STPG2: variants seen among roughly 807,000 people sequenced by gnomAD.
The protein encoded by STPG2 is sperm-tail PG-rich repeat-containing protein 2.
A neutral mutation model predicts 54.2 loss-of-function variants in STPG2; 56 were observed. The observed-to-expected ratio is 1.03, with a 90% CI of 0.83 to 1.29. The LOEUF (loss-of-function observed/expected upper bound fraction) is 1.29. Ranked by LOEUF, STPG2 falls within the 50% of genes most tolerant of loss-of-function variation. STPG2 has a pLI of 0.00. For synonymous variants in STPG2, 200 were observed against 181.8 expected, an observed-to-expected ratio of 1.10 and a Z score of -0.81; for missense variants, 596 against 544.9, an observed-to-expected ratio of 1.09 and a Z score of -0.93.
chr4:97,635,200 A>G (rs929920787), intron 10 of STPG2, among the ~76,000 whole-genome samples: 4 of 152,282 alleles, frequency 2.6e-5, no homozygotes, highest in East Asian at 1.9e-4. Context: ...ATTCTTAAAG[A>G]AAAGAATTTT....
intron 10 of STPG2, among the ~76,000 whole-genome samples, chr4:97,570,525 C>A (rs1207355174): frequency 6.6e-6 from 1 of 151,968 alleles, no homozygotes; most frequent in Admixed American, 6.6e-5. Flanking sequence ...GCTATCCTGG[C>A]CCACTCTAGG....
rs1317061886 is a variant in STPG2 at position 97,635,828 on chromosome 4, C to T, written c.1321-76711G>A. ...TATATGCACCCAATACAGGAGCACC[C>T]AGATTCATACGGCAAGTCCTGAGTG... is the stretch of plus-strand genomic sequence containing the variant. On this transcript the variant is annotated intron_variant, in intron 10 of 10. Transcript: ENST00000295268. Among the ~76,000 whole-genome samples the T allele has an allele frequency of 2.0e-5, 3 of 151,814 alleles. 1 individual carries two copies. The highest frequency in any genetic ancestry group is 7.3e-5 in the African/African-American group (3 of 41,106).
At chr4:97,981,656 T>G (rs1377314079) in intron 5 of STPG2, among the ~76,000 whole-genome samples, 4 of 151,554 alleles carry the variant, frequency 2.6e-5, no homozygotes, top group African/African-American at 4.8e-5. Flanking sequence ...AATAAAAAAC[T>G]ATATGATCTA....
chr4:97,643,637 C>A (rs1440927541), intron 10 of STPG2, among the ~76,000 whole-genome samples: 1 of 151,878 alleles, frequency 6.6e-6, no homozygotes, highest in Admixed American at 6.6e-5. Context: ...TCCAGACATA[C>A]TTATTAATAT....
intron 5 of STPG2, among the ~76,000 whole-genome samples, chr4:98,000,788 T>C (rs1735388813): frequency 6.6e-6 from 1 of 152,180 alleles, no homozygotes; most frequent in Admixed American, 6.6e-5. Context: ...ACTTAGGGTA[T>C]ATGCCATTCA....
intron 4 of STPG2, among the ~76,000 whole-genome samples, chr4:97,466,206 T>C (rs1729784980): frequency 6.6e-6 from 1 of 152,104 alleles, no homozygotes; most frequent in Non-Finnish European, 1.5e-5. Context: ...ATCCAACTTG[T>C]AGCACCAAGG....
At chr4:97,570,449 T>A (rs1732569742) in intron 10 of STPG2, among the ~76,000 whole-genome samples, 1 of 151,930 alleles carries the variant, frequency 6.6e-6, no homozygotes, top group African/African-American at 2.4e-5. Flanking sequence ...ACACAGGAAA[T>A]CTCCTTGCCC....
chr4:97,654,025 C>G (rs1722148770), intron 10 of STPG2, among the ~76,000 whole-genome samples: 1 of 152,144 alleles, frequency 6.6e-6, no homozygotes, highest in Non-Finnish European at 1.5e-5. Flanking sequence ...GCCATTGCTG[C>G]AAAGCAGCCC....
intron 9 of STPG2, among the ~76,000 whole-genome samples, chr4:97,798,085 T>C (rs1040887864): frequency 2.0e-5 from 3 of 152,156 alleles, no homozygotes; most frequent in African/African-American, 7.2e-5. Flanking sequence ...TCTTCTTTAT[T>C]ACTCTTGCTA....
rs547880460 is a variant in STPG2 at position 97,872,931 on chromosome 4, C to A, written c.1045-31999G>T. Among the ~76,000 whole-genome samples the A allele has an allele frequency of 2.6e-5, 4 of 150,982 alleles. No homozygotes were observed. The South Asian group carries it at 8.3e-4, about 31-fold the overall frequency. On this transcript the variant is annotated intron_variant, in intron 8 of 10. Transcript: ENST00000295268. ...ACATAGCCAGATATTCCTGTCCCTG[C>A]GATGAAAGCAGTAATTTCTCTAAGG... is the stretch of plus-strand genomic sequence containing the variant.
rs1738587526 is a variant in STPG2 at position 98,088,344 on chromosome 4, T to C, written c.612+17609A>G. ...GCTCTTTTTAAACCTTAGAGATTTA[T>C]GTCATTCATTCACCAAATGTTTAAA... On this transcript the variant is annotated intron_variant, in intron 5 of 10. Transcript: ENST00000295268. Among the ~76,000 whole-genome samples, 5 of 152,310 alleles carry C rather than the reference T, an allele frequency of 3.3e-5. No homozygotes were observed. In the South Asian group the frequency reaches 1.0e-3, roughly 32 times the overall value.
At chr4:98,133,536 A>G (rs1004651068) in intron 2 of STPG2, among the ~76,000 whole-genome samples, 3 of 152,078 alleles carry the variant, frequency 2.0e-5, no homozygotes, top group Non-Finnish European at 4.4e-5. Flanking sequence ...TATTTTAAAA[A>G]GATCAGAATT....
chr4:97,905,741 A>C (rs1415702911), intron 8 of STPG2, among the ~76,000 whole-genome samples: 1 of 152,202 alleles, frequency 6.6e-6, no homozygotes, highest in Non-Finnish European at 1.5e-5. Context: ...CATAGGCTCA[A>C]AATAAAAGGA....
intron 8 of STPG2, among the ~76,000 whole-genome samples, chr4:97,879,948 G>C (rs1383562310): frequency 6.6e-6 from 1 of 152,170 alleles, no homozygotes; most frequent in Non-Finnish European, 1.5e-5. Flanking sequence ...CCATTTCTGA[G>C]TATATATCTA....
intron 8 of STPG2, among the ~76,000 whole-genome samples, chr4:97,844,970 T>G (rs1234440478): frequency 1.3e-5 from 2 of 152,040 alleles, no homozygotes; most frequent in African/African-American, 4.8e-5. Flanking sequence ...AGTAAATTTT[T>G]TATTTATGTT....
At chr4:97,911,721 A>T (rs1219204651) in intron 8 of STPG2, among the ~76,000 whole-genome samples, 3 of 152,150 alleles carry the variant, frequency 2.0e-5, no homozygotes, top group Non-Finnish European at 4.4e-5. Flanking sequence ...GGGAGAAGCG[A>T]CAAAGGTCTT....
intron 4 of STPG2, among the ~76,000 whole-genome samples, chr4:97,470,809 T>C (rs963417334): frequency 1.4e-4 from 21 of 152,048 alleles, no homozygotes; most frequent in African/African-American, 4.8e-4. Context: ...ATAGGCATTG[T>C]GATGAGATGA....
intron 10 of STPG2, among the ~76,000 whole-genome samples, chr4:97,655,631 T>C (rs1418127557): frequency 6.6e-6 from 1 of 152,048 alleles, no homozygotes; most frequent in African/African-American, 2.4e-5. Flanking sequence ...ATTTTAATAA[T>C]GCCTACAGCA....
chr4:97,619,968 C>T (rs925662592), intron 10 of STPG2, among the ~76,000 whole-genome samples: 5 of 151,930 alleles, frequency 3.3e-5, no homozygotes, highest in Non-Finnish European at 5.9e-5. Flanking sequence ...GGACTACAGG[C>T]ACCCACCATC....
Sources: gnomAD v4.1 joint callset for allele counts (sites outside exome capture counted in the v4.1 genomes callset) on GRCh38, gnomAD v4.1.1 for gene constraint, MANE v1.5 for transcripts, NCBI Gene and HGNC (gene_info 2026-07-23, HGNC 2026-07-21) for gene names.